The following HTRA3 variants were observed in gnomAD, a reference collection of about 807,000 sequenced individuals.
The protein encoded by HTRA3 is serine protease HTRA3.
In HTRA3, 41 loss-of-function variants were observed where a neutral mutation model predicts 43.2. The ratio of observed to expected loss-of-function variants is 0.95; its 90% CI spans 0.74 to 1.23. The LOEUF (loss-of-function observed/expected upper bound fraction) is 1.23. Ranked by LOEUF, HTRA3 falls within the 50% of genes most tolerant of loss-of-function variation. The pLI, the probability that HTRA3 is intolerant of heterozygous loss-of-function variation, is 0.00. For missense variants in HTRA3, 628 were observed against 647.1 expected, an observed-to-expected ratio of 0.97 and a Z score of 0.32; for synonymous variants, 295 against 287.9, an observed-to-expected ratio of 1.02 and a Z score of -0.25.
intron 1 of HTRA3, among the ~76,000 whole-genome samples, chr4:8,272,427 A>G (rs148460763): frequency 3.8e-4 from 58 of 152,234 alleles, no homozygotes; most frequent in Middle Eastern, 3.4e-3. Flanking sequence ...CTGAGGCCTC[A>G]GTGCTCCGGG....
intron 7 of HTRA3, among the ~76,000 whole-genome samples, chr4:8,303,560 A>G (rs545788990): frequency 3.3e-5 from 5 of 152,350 alleles, no homozygotes; most frequent in African/African-American, 1.2e-4. Flanking sequence ...ATTTCCTCAA[A>G]GCACACAGTC....
rs911330438 is a variant in HTRA3 at position 8,269,924 on chromosome 4, C to G, written c.-45C>G. On this transcript the variant is annotated 5_prime_UTR_variant, in exon 1 of 9. Coordinates refer to ENST00000307358, the MANE Select transcript of HTRA3 (RefSeq NM_053044.5). The stretch of plus-strand genomic sequence containing the variant: ...AGCGGCCTCGTTGTCCCCGCCGGCC[C>G]CCGCCCGGTCTCCCGCGCTGCCACC... The G allele has an allele frequency of 1.0e-5, 10 of 963,020 alleles. No individual in the cohort carries two copies. In the African/African-American group the frequency reaches 1.8e-4, roughly 17 times the overall value. The allele number at this position is 963,020 out of a possible 1,614,324, so 59.7% of individuals were successfully genotyped here.
In HTRA3 at chr4:8,297,101, C is replaced by T. The variant is rs934286765; in HGVS notation, c.1051+2900C>T. 3.3e-5 allele frequency among the ~76,000 whole-genome samples: 5 copies of T among 152,042 alleles called. No individual in the cohort carries two copies. Among genetic ancestry groups the T allele is most frequent in the African/African-American group, 7.2e-5 (3 of 41,408 alleles). ...CCCTGGTCTCAGAAGCCATAAGGTC[C>T]CTTGGTCTCAGGCCCCTGTGCTGGG... On this transcript the variant is annotated intron_variant, in intron 6 of 8. Coordinates refer to ENST00000307358, the MANE Select transcript of HTRA3 (RefSeq NM_053044.5). The surrounding 1 kb of genome is among the most constrained non-coding windows in gnomAD (Gnocchi z 5.8).
intron 3 of HTRA3, among the ~76,000 whole-genome samples, chr4:8,288,935 T>TTCCTTCCC (rs1560138859): frequency 7.2e-6 from 1 of 139,790 alleles, no homozygotes; most frequent in African/African-American, 2.7e-5. Context: ...CCTTCCTTCC[T>TTCCTTCCC]CCCTTCCTCC....
chr4:8,274,229 C>T (rs991473468), intron 1 of HTRA3, among the ~76,000 whole-genome samples: 2 of 152,250 alleles, frequency 1.3e-5, no homozygotes, highest in African/African-American at 2.4e-5. Flanking sequence ...GGCCTTTGCA[C>T]GCAATGTGCC....
chr4:8,270,732 C>G (rs1426404211), intron 1 of HTRA3, among the ~76,000 whole-genome samples: 1 of 152,106 alleles, frequency 6.6e-6, no homozygotes, highest in African/African-American at 2.4e-5. Context: ...ACTCTCCAGC[C>G]GGGGTGCCCT....
chr4:8,291,197 A>G (rs1713222988), intron 3 of HTRA3, among the ~76,000 whole-genome samples, 173 bp from the exon 4 acceptor site: 1 of 152,178 alleles, frequency 6.6e-6, no homozygotes, highest in African/African-American at 2.4e-5. Flanking sequence ...TCAGCACAGG[A>G]CTGCCCTGGT....
rs536588292 is a variant in HTRA3, at chr4:8,297,105, G to A, written c.1051+2904G>A. Among the ~76,000 whole-genome samples the A allele has an allele frequency of 6.6e-6, 1 of 152,168 alleles. No individual in the cohort carries two copies. Among genetic ancestry groups the A allele is most frequent in the Admixed American group, 6.5e-5 (1 of 15,292 alleles). On this transcript the variant is annotated intron_variant, in intron 6 of 8. Coordinates refer to ENST00000307358, the MANE Select transcript of HTRA3 (RefSeq NM_053044.5). This position sits in a 1 kb window ranked among gnomAD's most constrained non-coding sequence, Gnocchi z 5.8. ...GGTCTCAGAAGCCATAAGGTCCCTT[G>A]GTCTCAGGCCCCTGTGCTGGGTAGA...
Position 8,272,702 on chromosome 4 carries a change from A to C in HTRA3, c.385+2349A>C, listed in dbSNP as rs371096216. Reference sequence around the variant, plus strand: ...CTTCTGTGCCAAGCTGTGGAGGAGGACTGGGAACTGCCTGGGGAAGGATGG... The same window carrying C: ...CTTCTGTGCCAAGCTGTGGAGGAGGCCTGGGAACTGCCTGGGGAAGGATGG... On this transcript the variant is annotated intron_variant, in intron 1 of 8. Transcript: ENST00000307358. Among the ~76,000 whole-genome samples, 202 of 152,328 alleles carry C rather than the reference A, an allele frequency of 1.3e-3. 6 individuals are homozygous for C. The South Asian group carries it at 0.032, about 24-fold the overall frequency.
intron 1 of HTRA3, among the ~76,000 whole-genome samples, chr4:8,274,315 C>T (rs1158328764): frequency 6.6e-6 from 1 of 152,240 alleles, no homozygotes; most frequent in Admixed American, 6.5e-5. Context: ...GTCCCACCGC[C>T]CCTGAGCCAC....
intron 6 of HTRA3, among the ~76,000 whole-genome samples, chr4:8,299,741 C>A (rs749697676): frequency 7.2e-5 from 11 of 151,960 alleles, no homozygotes; most frequent in Admixed American, 2.6e-4. Context: ...CCTTTCTAGT[C>A]TGTTAATGTG....
intron 1 of HTRA3, among the ~76,000 whole-genome samples, chr4:8,275,486 C>G (rs1000454805): frequency 6.6e-6 from 1 of 152,196 alleles, no homozygotes; most frequent in African/African-American, 2.4e-5. Context: ...TTGTGAGGGA[C>G]CAATGACAAT....
chr4:8,281,758 G>T (rs982255556), intron 1 of HTRA3, among the ~76,000 whole-genome samples: 2 of 152,226 alleles, frequency 1.3e-5, no homozygotes, highest in South Asian at 2.1e-4. Context: ...TACTGCTGAC[G>T]GCAGCAGGAA....
intron 6 of HTRA3, among the ~76,000 whole-genome samples, chr4:8,300,926 T>C (rs1205552112): frequency 1.3e-5 from 2 of 151,454 alleles, no homozygotes; most frequent in East Asian, 1.9e-4. Flanking sequence ...TTATTATTGA[T>C]CCAGTCATCT....
In HTRA3 at chr4:8,306,098, G is replaced by A. The variant is rs765049863; in HGVS notation, c.1324G>A (p.Asp442Asn). Reference sequence around the variant, plus strand: ...ACTGGAGGTGCGGCGGGGGAACGACGACCTCCTCTTCAGCATCGCACCTGA... The same window carrying A: ...ACTGGAGGTGCGGCGGGGGAACGACAACCTCCTCTTCAGCATCGCACCTGA... ...LLLEVRRGND[D>N]LLFSIAPEVV... is the part of the protein sequence containing the mutation. The change falls in exon 9 of 9, where the codon GAC becomes AAC. Residue 442 changes from aspartate to asparagine, a missense_variant. Transcript: ENST00000307358. This position sits in a 1 kb window ranked among gnomAD's most constrained non-coding sequence, Gnocchi z 8.9. 4 of 1,606,294 alleles carry A rather than the reference G, an allele frequency of 2.5e-6. No homozygotes were observed. Among genetic ancestry groups the A allele is most frequent in the African/African-American group, 1.3e-5 (1 of 74,816 alleles).
chr4:8,278,827 G>A (rs1712631323), intron 1 of HTRA3, among the ~76,000 whole-genome samples: 2 of 152,250 alleles, frequency 1.3e-5, no homozygotes, highest in African/African-American at 4.8e-5. Context: ...CATAAAATGG[G>A]CGAGTGCTGC....
At position 8,292,798 on chromosome 4, in the gene HTRA3, G is replaced by A. The variant is rs192557326; in HGVS notation, c.936+445G>A. Reference sequence around the variant, plus strand: ...AATAAACCAGGAAGCTCAGTTCAGAGCTCCTAGGCCCTGAAGGATCGGACG... The same window carrying A: ...AATAAACCAGGAAGCTCAGTTCAGAACTCCTAGGCCCTGAAGGATCGGACG... On this transcript the variant is annotated intron_variant, in intron 5 of 8. Transcript: ENST00000307358. Among the ~76,000 whole-genome samples the A allele has an allele frequency of 1.1e-4, 17 of 152,310 alleles. No homozygotes were observed. The East Asian group carries it at 2.7e-3, about 24-fold the overall frequency.
intron 6 of HTRA3, among the ~76,000 whole-genome samples, chr4:8,301,028 A>G (rs1027006285): frequency 1.5e-5 from 2 of 134,868 alleles, no homozygotes; most frequent in Admixed American, 7.9e-5. Context: ...ACTCATCTTT[A>G]TTATTGATTC....
In HTRA3 at chr4:8,286,786, G is replaced by A. The variant is rs959330299; in HGVS notation, c.708+3G>A. The A allele has an allele frequency of 6.2e-7, 1 of 1,605,860 alleles. No individual in the cohort carries two copies. The highest frequency in any genetic ancestry group is 8.5e-7 in the Non-Finnish European group (1 of 1,173,188). On this transcript the variant is annotated splice_donor_region_variant and intron_variant, in intron 3 of 8. Coordinates refer to ENST00000307358, the MANE Select transcript of HTRA3 (RefSeq NM_053044.5). The surrounding 1 kb of genome is among the most constrained non-coding windows in gnomAD (Gnocchi z 4.9). ...CCACCATCAAGATCCATCCCAAGGT[G>A]GGTGGGCGTGGGTGGAGGGGCGGAA... is the stretch of plus-strand genomic sequence containing the variant.
Sources: allele counts gnomAD v4.1 joint callset (sites outside exome capture counted in the v4.1 genomes callset), GRCh38; gene constraint gnomAD v4.1.1; non-coding constraint Gnocchi (gnomAD v3.1); transcripts MANE v1.5; gene names NCBI Gene and HGNC (gene_info 2026-07-23, HGNC 2026-07-21).